The following GDA variants were observed in gnomAD, a reference collection of about 807,000 sequenced individuals.
The protein encoded by GDA is cytoplasmic PSD-95 interactor.
Under a neutral mutation model 59.6 loss-of-function variants are expected in GDA, and 18 were observed. That is an observed-to-expected ratio of 0.30 (90% CI 0.21 to 0.45). GDA has a LOEUF of 0.45. Ranked by LOEUF, GDA falls within the 20% of genes least tolerant of loss-of-function variation. GDA has a pLI of 1.00. For synonymous variants in GDA, 201 were observed against 201.1 expected, an observed-to-expected ratio of 1.00 and a Z score of 0.00; for missense variants, 427 against 552.3, an observed-to-expected ratio of 0.77 and a Z score of 2.27.
Position 72,251,118 on chromosome 9 carries a change from C to T in GDA, c.*2776C>T. 3.2e-6 allele frequency: 1 copy of T among 316,568 alleles called. No individual in the cohort carries two copies. Among genetic ancestry groups the T allele is most frequent in the Non-Finnish European group, 5.8e-6 (1 of 172,152 alleles). 19.6% of individuals were successfully genotyped at this position (316,568 alleles called of 1,614,324 possible). ...TGCCAAGGGTCTTTCTAAGTTAATA[C>T]TGTGAGCATTGAGCCCCCATTAAAA... On this transcript the variant is annotated 3_prime_UTR_variant, in exon 14 of 14. Coordinates refer to ENST00000358399, the MANE Select transcript of GDA (RefSeq NM_004293.5).
chr9:72,163,078 G>A (rs532822775), intron 1 of GDA, among the ~76,000 whole-genome samples: 2 of 152,322 alleles, frequency 1.3e-5, no homozygotes, highest in African/African-American at 4.8e-5. Flanking sequence ...GACCACAAAA[G>A]AGACAGGTAG....
intron 1 of GDA, among the ~76,000 whole-genome samples, chr9:72,176,313 G>A (rs1242784669): frequency 6.6e-6 from 1 of 152,204 alleles, no homozygotes; most frequent in Non-Finnish European, 1.5e-5. Flanking sequence ...AGGGCCAGAT[G>A]GAAGCCATCC....
chr9:72,191,473 CTTT>C (rs572715868), intron 1 of GDA, among the ~76,000 whole-genome samples: 7 of 138,044 alleles, frequency 5.1e-5, no homozygotes, highest in Admixed American at 7.3e-5. Context: ...AGGGAAGGCT[CTTT>C]TTTTTTTTTT....
intron 4 of GDA, 75 bp downstream of exon 4, chr9:72,210,849 T>A (rs1564071584): frequency 1.1e-6 from 1 of 918,932 alleles, no homozygotes; most frequent in Non-Finnish European, 1.8e-6. Context: ...AACTTATATG[T>A]ACTTTTGGGC....
intron 1 of GDA, among the ~76,000 whole-genome samples, chr9:72,143,148 A>C (rs895526291): frequency 2.1e-5 from 2 of 94,590 alleles, no homozygotes; most frequent in African/African-American, 4.1e-5. Context: ...TTTTTTTTTG[A>C]GGTGGATTTT....
At chr9:72,237,737 C>G in intron 10 of GDA, among the ~76,000 whole-genome samples, 1 of 152,176 alleles carries the variant, frequency 6.6e-6, no homozygotes, top group Non-Finnish European at 1.5e-5. Context: ...TCTAAAATAG[C>G]TCTCCTTTTT....
chr9:72,156,601 G>T (rs935900375), intron 1 of GDA, among the ~76,000 whole-genome samples: 1 of 152,166 alleles, frequency 6.6e-6, no homozygotes, highest in Non-Finnish European at 1.5e-5. Context: ...TGTTCAGAAT[G>T]CTCATGGCAA....
intron 2 of GDA, among the ~76,000 whole-genome samples, chr9:72,198,530 CAAAA>C (rs57886644): frequency 9.2e-6 from 1 of 108,872 alleles, no homozygotes; most frequent in African/African-American, 3.6e-5. Context: ...GACTCCATCT[CAAAA>C]AAAAAAAAAA....
intron 1 of GDA, among the ~76,000 whole-genome samples, chr9:72,168,305 T>C (rs1274154123): frequency 6.6e-6 from 1 of 151,044 alleles, no homozygotes; most frequent in East Asian, 1.9e-4. Flanking sequence ...GAGGCTTAGG[T>C]AGAGTACAGC....
At chr9:72,204,569 G>A (rs2131368378) in intron 3 of GDA, among the ~76,000 whole-genome samples, 2 of 152,268 alleles carry the variant, frequency 1.3e-5, no homozygotes, top group Middle Eastern at 6.8e-3. Context: ...AAACACATTT[G>A]TTAAGGTAAA....
chr9:72,252,318 G>A (rs1008509122), downstream of GDA: 19 of 152,206 alleles, frequency 1.2e-4, no homozygotes, highest in African/African-American at 4.6e-4. Context: ...TCTTCTTTTA[G>A]CATGAATTTA....
At chr9:72,189,166 C>CTTT (rs71493640) in intron 1 of GDA, among the ~76,000 whole-genome samples, 627 of 54,916 alleles carry the variant, frequency 0.011, 167 homozygotes, top group African/African-American at 0.038. Context: ...AGACTCTAGA[C>CTTT]TTTTTTTTTT....
intron 3 of GDA, among the ~76,000 whole-genome samples, chr9:72,208,949 T>A (rs1835040971): frequency 6.6e-6 from 1 of 152,132 alleles, no homozygotes; most frequent in African/African-American, 2.4e-5. Flanking sequence ...CGTTTTCTAT[T>A]TTCTAAGTAC....
intron 1 of GDA, among the ~76,000 whole-genome samples, chr9:72,190,465 A>G (rs1277047943): frequency 6.6e-6 from 1 of 152,216 alleles, no homozygotes; most frequent in Non-Finnish European, 1.5e-5. Flanking sequence ...TGAAGAATAC[A>G]GTATATAATA....
At chr9:72,177,092 C>CTT (rs58433062) in intron 1 of GDA, among the ~76,000 whole-genome samples, 408 of 67,746 alleles carry the variant, frequency 6.0e-3, no homozygotes, top group African/African-American at 7.9e-3. Context: ...TTATAAACTG[C>CTT]TTTTTTTTTT....
At chr9:72,215,544 C>G (rs981106131) in intron 5 of GDA, among the ~76,000 whole-genome samples, 14 of 152,168 alleles carry the variant, frequency 9.2e-5, no homozygotes, top group African/African-American at 2.9e-4. Context: ...AAGAACATCT[C>G]TGCAAGCTGA....
intron 1 of GDA, among the ~76,000 whole-genome samples, chr9:72,128,372 TATC>T (rs1415294763): frequency 3.9e-5 from 6 of 152,122 alleles, no homozygotes; most frequent in African/African-American, 9.7e-5. Flanking sequence ...GCAGCTTTCT[TATC>T]ATTCTTCTGA....
At chr9:72,148,692 C>A (rs1011763753), upstream of GDA, among the ~76,000 whole-genome samples, 1 of 152,110 alleles carries the variant, frequency 6.6e-6, no homozygotes, top group African/African-American at 2.4e-5. Context: ...AGTTATGACC[C>A]AGTCCAAGCT....
At chr9:72,162,858 C>T (rs924535262) in intron 1 of GDA, among the ~76,000 whole-genome samples, 6 of 152,236 alleles carry the variant, frequency 3.9e-5, no homozygotes, top group African/African-American at 7.2e-5. Flanking sequence ...AGGGTTTCAC[C>T]GTGCTAGCCA....
Sources: allele counts gnomAD v4.1 joint callset (sites outside exome capture counted in the v4.1 genomes callset), GRCh38; gene constraint gnomAD v4.1.1; transcripts MANE v1.5; gene names NCBI Gene and HGNC (gene_info 2026-07-23, HGNC 2026-07-21).